Variants in PLPPR1 observed in about 807,000 individuals in gnomAD.
PLPPR1 encodes the protein phospholipid phosphatase related 1.
PLPPR1 carries 10 observed loss-of-function variants against 33.1 expected under a neutral mutation model. The ratio of observed to expected loss-of-function variants is 0.30; its 90% CI spans 0.19 to 0.51. The LOEUF is 0.51. PLPPR1 is among the 20% of genes least tolerant of loss of function. The probability of loss-of-function intolerance (pLI) is 0.97; values close to 1 mark genes in which losing one functional copy is unlikely to be tolerated. For synonymous variants in PLPPR1, 151 were observed against 151.0 expected, an observed-to-expected ratio of 1.00 and a Z score of 0.00; for missense variants, 304 against 408.1, an observed-to-expected ratio of 0.74 and a Z score of 2.20.
At chr9:101,214,785 G>A (rs941918234) in intron 2 of PLPPR1, among the ~76,000 whole-genome samples, 7 of 152,206 alleles carry the variant, frequency 4.6e-5, no homozygotes, top group Non-Finnish European at 1.0e-4. Context: ...CACTTGGGGA[G>A]GCCGAGGCAG....
chr9:101,210,739 C>T (rs1826674915), intron 2 of PLPPR1, among the ~76,000 whole-genome samples: 1 of 152,118 alleles, frequency 6.6e-6, no homozygotes, highest in Non-Finnish European at 1.5e-5. Context: ...ATATTATATT[C>T]ATCCTATTAT....
intron 2 of PLPPR1, chr9:101,188,156 T>C (rs556443484): frequency 1.3e-5 from 2 of 152,198 alleles, no homozygotes; most frequent in South Asian, 4.1e-4. Flanking sequence ...GACAGTTTGT[T>C]TATGCGTTTG....
At chr9:101,109,848 C>T (rs564929435) in intron 1 of PLPPR1, among the ~76,000 whole-genome samples, 1 of 152,208 alleles carries the variant, frequency 6.6e-6, no homozygotes, top group South Asian at 2.1e-4. Flanking sequence ...TATATAATAT[C>T]TGCCACTGGG....
chr9:101,124,611 C>T (rs1315544556), intron 1 of PLPPR1, among the ~76,000 whole-genome samples: 1 of 152,158 alleles, frequency 6.6e-6, no homozygotes, highest in African/African-American at 2.4e-5. Flanking sequence ...TAATGAGAAA[C>T]AGGCCCCTTC....
chr9:101,173,066 A>G (rs970812302), intron 1 of PLPPR1, among the ~76,000 whole-genome samples: 1 of 152,090 alleles, frequency 6.6e-6, no homozygotes, highest in Non-Finnish European at 1.5e-5. Flanking sequence ...TGAGGCCCCA[A>G]TCCCTAGGAT....
intron 1 of PLPPR1, among the ~76,000 whole-genome samples, chr9:101,160,340 T>C (rs1294799831): frequency 1.3e-5 from 2 of 152,208 alleles, no homozygotes; most frequent in Non-Finnish European, 2.9e-5. Flanking sequence ...CTTCTAAGGG[T>C]TGTTGTGGAG....
chr9:101,248,440 G>T (rs1166737484), intron 2 of PLPPR1, among the ~76,000 whole-genome samples: 1 of 152,038 alleles, frequency 6.6e-6, no homozygotes, highest in African/African-American at 2.4e-5. Flanking sequence ...TAGTATAATA[G>T]CAAAGTAGTT....
Position 101,122,268 on chromosome 9 carries a change from T to G in PLPPR1, c.-45-63182T>G, listed in dbSNP as rs531511059. On this transcript the variant is annotated intron_variant, in intron 1 of 7. Transcript: ENST00000374874. ...AACACTGTCATACATCATAAAGATATATACCCTTTCCAGGCATTTTAAAAC... is the reference window on the plus strand; with the variant it reads ...AACACTGTCATACATCATAAAGATAGATACCCTTTCCAGGCATTTTAAAAC... 2.9e-3 allele frequency among the ~76,000 whole-genome samples: 447 copies of G among 152,348 alleles called. 1 individual carries two copies. Among genetic ancestry groups the G allele is most frequent in the Admixed American group, 5.9e-3 (90 of 15,302 alleles).
At chr9:101,064,865 T>C (rs1029246977) in intron 1 of PLPPR1, among the ~76,000 whole-genome samples, 11 of 151,768 alleles carry the variant, frequency 7.2e-5, no homozygotes, top group African/African-American at 2.7e-4. Flanking sequence ...AGGGCAAAAC[T>C]GGGTTTTATA....
intron 7 of PLPPR1, among the ~76,000 whole-genome samples, chr9:101,323,469 C>CAAAAA (rs11339430): frequency 1.1e-5 from 1 of 93,794 alleles, no homozygotes; most frequent in Non-Finnish European, 2.3e-5. Flanking sequence ...AACCCTGTCT[C>CAAAAA]AAAAAAAAAA....
chr9:101,195,753 T>C (rs1371032445), intron 2 of PLPPR1, among the ~76,000 whole-genome samples: 1 of 152,212 alleles, frequency 6.6e-6, no homozygotes. Context: ...GACCACCTTG[T>C]TCCTATGCTG....
intron 1 of PLPPR1, among the ~76,000 whole-genome samples, chr9:101,126,596 A>G (rs922852743): frequency 3.3e-5 from 5 of 152,124 alleles, no homozygotes; most frequent in Admixed American, 2.6e-4. Flanking sequence ...AGCACTACCA[A>G]TTGCTCCAGG....
intron 1 of PLPPR1, among the ~76,000 whole-genome samples, chr9:101,080,255 G>T (rs181948850): frequency 6.6e-6 from 1 of 152,254 alleles, no homozygotes; most frequent in Non-Finnish European, 1.5e-5. Flanking sequence ...CAGAACTTCT[G>T]ATATGGCTGG....
intron 1 of PLPPR1, among the ~76,000 whole-genome samples, chr9:101,108,810 T>A (rs1831011863): frequency 6.6e-6 from 1 of 152,240 alleles, no homozygotes; most frequent in Admixed American, 6.5e-5. Flanking sequence ...AGCTATTTTT[T>A]ATAAAATGTG....
chr9:101,135,114 A>C (rs1204492830), intron 1 of PLPPR1, among the ~76,000 whole-genome samples: 1 of 152,172 alleles, frequency 6.6e-6, no homozygotes, highest in Non-Finnish European at 1.5e-5. Context: ...ACAGTGTGGG[A>C]TTAGAGATTA....
intron 1 of PLPPR1, among the ~76,000 whole-genome samples, chr9:101,130,142 C>T (rs1306328170): frequency 6.6e-6 from 1 of 152,114 alleles, no homozygotes; most frequent in Non-Finnish European, 1.5e-5. Context: ...CAAATTTACA[C>T]TTTAAATATG....
chr9:101,206,732 T>G (rs1344942075), intron 2 of PLPPR1, among the ~76,000 whole-genome samples: 1 of 152,182 alleles, frequency 6.6e-6, no homozygotes, highest in Non-Finnish European at 1.5e-5. Context: ...TCTACCCATA[T>G]GTGAGCTAAT....
chr9:101,093,182 C>T (rs1830770125), intron 1 of PLPPR1, among the ~76,000 whole-genome samples: 1 of 152,164 alleles, frequency 6.6e-6, no homozygotes, highest in Non-Finnish European at 1.5e-5. Context: ...ATAACAATAG[C>T]ACTTTCATCT....
intron 1 of PLPPR1, among the ~76,000 whole-genome samples, chr9:101,127,029 A>G (rs1831253706): frequency 7.3e-6 from 1 of 136,946 alleles, no homozygotes; most frequent in African/African-American, 2.6e-5. Context: ...ACTGCACTAA[A>G]GAGTGATAAG....
Sources: allele counts gnomAD v4.1 joint callset (sites outside exome capture counted in the v4.1 genomes callset), GRCh38; gene constraint gnomAD v4.1.1; transcripts MANE v1.5; gene names NCBI Gene and HGNC (gene_info 2026-07-23, HGNC 2026-07-21).